Variants in PLEKHM3 observed in about 807,000 individuals in gnomAD.
The protein encoded by PLEKHM3 is pleckstrin homology domain-containing family M member 3.
A neutral mutation model predicts 81.8 loss-of-function variants in PLEKHM3; 45 were observed. The ratio of observed to expected loss-of-function variants is 0.55; its 90% CI spans 0.43 to 0.71. The LOEUF (loss-of-function observed/expected upper bound fraction) is 0.71, where lower values mean the gene tolerates loss of function less well. Among genes scored for constraint, PLEKHM3 ranks in the 30% least tolerant of loss-of-function variants. PLEKHM3 has a pLI of 0.00. For missense variants in PLEKHM3, 788 were observed against 924.3 expected, an observed-to-expected ratio of 0.85 and a Z score of 1.91; for synonymous variants, 352 against 356.4, an observed-to-expected ratio of 0.99 and a Z score of 0.14.
At chr2:207,913,187 G>A (rs749358990) in intron 5 of PLEKHM3, among the ~76,000 whole-genome samples, 4 of 152,188 alleles carry the variant, frequency 2.6e-5, no homozygotes, top group East Asian at 3.9e-4. Context: ...TGGGGCAGAC[G>A]GTTGGAACTG....
intron 2 of PLEKHM3, among the ~76,000 whole-genome samples, chr2:207,999,506 T>C (rs1019262975): frequency 3.3e-5 from 5 of 152,078 alleles, no homozygotes; most frequent in Non-Finnish European, 7.4e-5. Context: ...CTTGAGAGGC[T>C]GATGTGGGAG....
intron 1 of PLEKHM3, among the ~76,000 whole-genome samples, chr2:208,005,325 T>C (rs1345862992): frequency 6.6e-6 from 1 of 152,218 alleles, no homozygotes; most frequent in Non-Finnish European, 1.5e-5. Flanking sequence ...CCTCTATCTA[T>C]TCCAGGATCC....
intron 2 of PLEKHM3, among the ~76,000 whole-genome samples, chr2:207,981,097 C>A (rs112970871): frequency 3.5e-5 from 5 of 143,180 alleles, no homozygotes; most frequent in Admixed American, 2.2e-4. Context: ...CACTGCACTA[C>A]AGCCTGGGCA....
intron 2 of PLEKHM3, among the ~76,000 whole-genome samples, chr2:207,983,112 C>T (rs1691594858): frequency 7.0e-6 from 1 of 143,388 alleles, no homozygotes; most frequent in Non-Finnish European, 1.5e-5. Context: ...AGTGCAGTGG[C>T]ATGATCTCGG....
At chr2:207,899,705 T>A (rs899660891) in intron 6 of PLEKHM3, among the ~76,000 whole-genome samples, 1 of 152,218 alleles carries the variant, frequency 6.6e-6, no homozygotes, top group Non-Finnish European at 1.5e-5. Context: ...ATTCTACGAA[T>A]GTTTTGTTGA....
intron 3 of PLEKHM3, among the ~76,000 whole-genome samples, chr2:207,962,129 A>G (rs1403763383): frequency 6.6e-6 from 1 of 152,166 alleles, no homozygotes; most frequent in African/African-American, 2.4e-5. Flanking sequence ...GTGGGCCACT[A>G]AATAGCCTCA....
intron 5 of PLEKHM3, among the ~76,000 whole-genome samples, chr2:207,923,874 CACACACATAT>C (rs1465266474): frequency 2.1e-4 from 8 of 38,786 alleles, no homozygotes; most frequent in Admixed American, 8.2e-4. Flanking sequence ...CACACACACA[CACACACATAT>C]ATATATATAT....
At position 207,918,543 on chromosome 2, in the gene PLEKHM3, A is replaced by C. The variant is rs191719169; in HGVS notation, c.1887-9966T>G. Among the ~76,000 whole-genome samples the C allele has an allele frequency of 2.7e-5, 4 of 146,562 alleles. No individual in the cohort carries two copies. The East Asian group carries it at 5.8e-4, about 21-fold the overall frequency. ...TCTCAACAAACAAACAAACAAACAA[A>C]AAACAAACAAACAAACAAACAAACA... On this transcript the variant is annotated intron_variant, in intron 5 of 7. Transcript: ENST00000427836.
chr2:207,860,412 G>A (rs940360632), intron 7 of PLEKHM3, among the ~76,000 whole-genome samples: 2 of 152,046 alleles, frequency 1.3e-5, no homozygotes, highest in Non-Finnish European at 1.5e-5. Context: ...AGTGAGCCCT[G>A]CAGGGTGGGA....
intron 1 of PLEKHM3, among the ~76,000 whole-genome samples, chr2:208,011,785 C>CTTTTTTTTTTTT (rs1177948830): frequency 1.3e-5 from 1 of 79,992 alleles, no homozygotes; most frequent in African/African-American, 6.0e-5. Context: ...CTCTGATAAA[C>CTTTTTTTTTTTT]TTTTTTTTTT....
Position 207,828,208 on chromosome 2 carries a change from G to T in PLEKHM3, c.*111C>A. 1 of 965,736 alleles carries T rather than the reference G, an allele frequency of 1.0e-6. No homozygotes were observed. Among genetic ancestry groups the T allele is most frequent in the Non-Finnish European group, 1.5e-6 (1 of 655,380 alleles). 59.8% of individuals were successfully genotyped at this position (965,736 alleles called of 1,614,324 possible). On this transcript the variant is annotated 3_prime_UTR_variant, in exon 8 of 8. Coordinates refer to ENST00000427836, the MANE Select transcript of PLEKHM3 (RefSeq NM_001080475.3). ...TAAATATATATATCTATATCTAGTTGAAGAGGATACATACTCTTCTTCCAA... is the reference window on the plus strand; with the variant it reads ...TAAATATATATATCTATATCTAGTTTAAGAGGATACATACTCTTCTTCCAA...
intron 2 of PLEKHM3, among the ~76,000 whole-genome samples, chr2:207,990,041 G>C (rs1175206187): frequency 1.3e-5 from 2 of 152,146 alleles, no homozygotes; most frequent in East Asian, 3.9e-4. Flanking sequence ...CTCATGGGTG[G>C]GGTGTGCAAA....
At chr2:207,905,830 C>T (rs1688582839) in intron 6 of PLEKHM3, among the ~76,000 whole-genome samples, 1 of 152,100 alleles carries the variant, frequency 6.6e-6, no homozygotes, top group Non-Finnish European at 1.5e-5. Context: ...GATTAAGCTG[C>T]TTATGGGGCT....
chr2:207,894,905 G>T (rs745535393), intron 6 of PLEKHM3, among the ~76,000 whole-genome samples: 24 of 152,108 alleles, frequency 1.6e-4, no homozygotes, highest in Non-Finnish European at 3.2e-4. Context: ...GTGAAATGTG[G>T]ATAATAATAG....
At chr2:207,847,846 A>G (rs1190057291) in intron 7 of PLEKHM3, among the ~76,000 whole-genome samples, 1 of 152,188 alleles carries the variant, frequency 6.6e-6, no homozygotes, top group African/African-American at 2.4e-5. Context: ...AGGAAATATC[A>G]TTAAAAAATG....
intron 6 of PLEKHM3, among the ~76,000 whole-genome samples, chr2:207,895,291 A>C (rs553863363): frequency 6.6e-6 from 1 of 152,320 alleles, no homozygotes; most frequent in East Asian, 1.9e-4. Context: ...GGGATGGAGC[A>C]AACAGGCTGA....
At chr2:207,899,010 T>C (rs16840133) in intron 6 of PLEKHM3, among the ~76,000 whole-genome samples, 5,406 of 152,310 alleles carry the variant, frequency 0.035, 330 homozygotes, top group African/African-American at 0.12. Flanking sequence ...TATGAAAAGC[T>C]GCCTCCATCA....
At chr2:207,900,279 T>C (rs1688375834) in intron 6 of PLEKHM3, 1 of 152,202 alleles carries the variant, frequency 6.6e-6, no homozygotes, top group African/African-American at 2.4e-5. Flanking sequence ...GGCCTGTTCA[T>C]GTGGTTGTTC....
chr2:207,944,157 G>A (rs565697487), intron 4 of PLEKHM3, among the ~76,000 whole-genome samples: 1 of 152,304 alleles, frequency 6.6e-6, no homozygotes, highest in East Asian at 1.9e-4. Flanking sequence ...GGTTTAGGCA[G>A]AGGACAAGAA....
Sources: gnomAD v4.1 joint callset for allele counts (sites outside exome capture counted in the v4.1 genomes callset) on GRCh38, gnomAD v4.1.1 for gene constraint, MANE v1.5 for transcripts, NCBI Gene and HGNC (gene_info 2026-07-23, HGNC 2026-07-21) for gene names.